Variants in GPATCH2L observed in about 807,000 individuals in gnomAD.
GPATCH2L encodes the protein G-patch domain containing 2 like, also known as G patch domain-containing protein 2-like.
Under a neutral mutation model 57.4 loss-of-function variants are expected in GPATCH2L, and 31 were observed. The observed-to-expected ratio is 0.54, with a 90% CI of 0.41 to 0.73. The LOEUF is 0.73. GPATCH2L is among the 30% of genes least tolerant of loss of function. The probability of loss-of-function intolerance (pLI) is 0.00; values close to 1 mark genes in which losing one functional copy is unlikely to be tolerated. For synonymous variants in GPATCH2L, 199 were observed against 210.7 expected, an observed-to-expected ratio of 0.94 and a Z score of 0.48; for missense variants, 481 against 599.9, an observed-to-expected ratio of 0.80 and a Z score of 2.07.
Position 76,180,759 on chromosome 14 carries a change from T to G in GPATCH2L, c.1108-5T>G. ...TTACTAAAATAGTCTTATTCATTCC[T>G]GCAGTTCAATCCCCTGTCTCCCCTT... On this transcript the variant is annotated splice_region_variant and splice_polypyrimidine_tract_variant and intron_variant, in intron 7 of 9. Coordinates refer to ENST00000261530, the MANE Select transcript of GPATCH2L (RefSeq NM_017926.4). 1 of 1,595,684 alleles carries G rather than the reference T, an allele frequency of 6.3e-7. No homozygotes were observed. Among genetic ancestry groups the G allele is most frequent in the Non-Finnish European group, 8.6e-7 (1 of 1,163,116 alleles).
intron 2 of GPATCH2L, among the ~76,000 whole-genome samples, chr14:76,161,428 C>T (rs573296158): frequency 6.6e-6 from 1 of 152,216 alleles, no homozygotes; most frequent in East Asian, 1.9e-4. Flanking sequence ...TTTATTAATA[C>T]CAACTTTTGA....
intron 3 of GPATCH2L, among the ~76,000 whole-genome samples, chr14:76,168,450 G>C (rs1594929097): frequency 6.6e-6 from 1 of 152,154 alleles, no homozygotes; most frequent in South Asian, 2.1e-4. Context: ...CTCATTTCTT[G>C]CTATGGGGCT....
intron 2 of GPATCH2L, among the ~76,000 whole-genome samples, chr14:76,233,737 G>A (rs2040585613): frequency 1.3e-5 from 2 of 152,176 alleles, no homozygotes; most frequent in Admixed American, 6.5e-5. Flanking sequence ...AGTCCTTAAT[G>A]TCATCATATA....
In GPATCH2L at chr14:76,195,912, C is replaced by T. The variant is rs149908322; in HGVS notation, c.1228C>T (p.Arg410Cys). 1.7e-5 allele frequency: 28 copies of T among 1,613,770 alleles called. No individual in the cohort carries two copies. The highest frequency in any genetic ancestry group is 8.8e-5 in the South Asian group (8 of 91,080). Residue 410 changes from arginine to cysteine, a missense_variant, in exon 9 of 10, where the codon CGT becomes TGT. Transcript: ENST00000261530. ...TGTACACTGGGGACCACCATGTTCA[C>T]GTGACATCAAGAGGAAGCGGAAACC... ...ANVHWGPPCS[R>C]DIKRKRKPVA... is the part of the protein sequence containing the mutation.
In GPATCH2L at chr14:76,204,228, A is replaced by G. The variant is rs1297303190; in HGVS notation, c.*2377A>G. On this transcript the variant is annotated 3_prime_UTR_variant, in exon 10 of 10. Coordinates refer to ENST00000261530, the MANE Select transcript of GPATCH2L (RefSeq NM_017926.4). The stretch of plus-strand genomic sequence containing the variant: ...CTGAGTCAGTCTGAGATGCTTATTT[A>G]TGAAACAGTATACCATGAATATTTA... 2 of 152,206 alleles carry G rather than the reference A, an allele frequency of 1.3e-5. No homozygotes were observed. The highest frequency in any genetic ancestry group is 2.9e-5 in the Non-Finnish European group (2 of 68,036). 9.4% of individuals were successfully genotyped at this position (152,206 alleles called of 1,614,324 possible). A position where few individuals can be genotyped will look rare whatever the true frequency, so the allele number is the denominator to read the frequency against.
rs138944273 is a variant in GPATCH2L at position 76,160,155 on chromosome 14, A to G, written c.662+5130A>G. 4.3e-3 allele frequency among the ~76,000 whole-genome samples: 661 copies of G among 152,284 alleles called. 4 individuals are homozygous for G. The highest frequency in any genetic ancestry group is 4.9e-3 in the Non-Finnish European group (335 of 68,018). Reference sequence around the variant, plus strand: ...CGAGACTCTGTCTCAAAAAAAAAGAAAAAAGAAACTGAATGATGCTCAATG... The same window carrying G: ...CGAGACTCTGTCTCAAAAAAAAAGAGAAAAGAAACTGAATGATGCTCAATG... On this transcript the variant is annotated intron_variant, in intron 2 of 9. Coordinates refer to ENST00000261530, the MANE Select transcript of GPATCH2L (RefSeq NM_017926.4).
intron 1 of GPATCH2L, among the ~76,000 whole-genome samples, chr14:76,225,868 ACAT>A (rs2040534551): frequency 6.6e-6 from 1 of 152,222 alleles, no homozygotes; most frequent in African/African-American, 2.4e-5. Context: ...AAGTGCTTAA[ACAT>A]CATTAGTCAT....
chr14:76,218,259 G>T (rs978037907), downstream of GPATCH2L, among the ~76,000 whole-genome samples: 1 of 152,014 alleles, frequency 6.6e-6, no homozygotes, highest in Non-Finnish European at 1.5e-5. Context: ...AATTAGAAGA[G>T]AAGAGAAAAT....
intron 2 of GPATCH2L, among the ~76,000 whole-genome samples, chr14:76,164,229 C>T (rs968035578): frequency 2.6e-5 from 4 of 152,146 alleles, no homozygotes; most frequent in Admixed American, 2.6e-4. Context: ...CTCTCCCAGC[C>T]CTCTGCTTTG....
At chr14:76,163,338 G>A (rs139695870) in intron 2 of GPATCH2L, among the ~76,000 whole-genome samples, 298 of 152,120 alleles carry the variant, frequency 2.0e-3, no homozygotes, top group Middle Eastern at 6.8e-3. Context: ...TGATATTTTT[G>A]GTATCATTAA....
In GPATCH2L at chr14:76,209,438, G is replaced by T. The variant is rs919447894; in HGVS notation, c.*7587G>T. 2 of 152,222 alleles carry T rather than the reference G, an allele frequency of 1.3e-5. No individual in the cohort carries two copies. Among genetic ancestry groups the T allele is most frequent in the Admixed American group, 1.3e-4 (2 of 15,282 alleles). The allele number at this position is 152,222 out of a possible 1,614,324, so 9.4% of individuals were successfully genotyped here. ...CTTGTTCCTCCTCCAAGCCCAGTGA[G>T]GTAGGAGGAATTGCTAATTAGATTA... On this transcript the variant is annotated 3_prime_UTR_variant, in exon 10 of 10. Transcript: ENST00000261530.
At position 76,154,205 on chromosome 14, in the gene GPATCH2L, A is replaced by AAAGGT. The variant is rs1255238642; in HGVS notation, c.-10-148_-10-144dup. 1.3e-5 allele frequency: 8 copies of AAAGGT among 618,060 alleles called. No homozygotes were observed. The highest frequency in any genetic ancestry group is 2.2e-5 in the South Asian group (1 of 45,262). 38.3% of individuals were successfully genotyped at this position (618,060 alleles called of 1,614,324 possible). A position where few individuals can be genotyped will look rare whatever the true frequency, so the allele number is the denominator to read the frequency against. On this transcript the variant is annotated intron_variant, in intron 1 of 9. Coordinates refer to ENST00000261530, the MANE Select transcript of GPATCH2L (RefSeq NM_017926.4). The surrounding 1 kb of genome is among the most constrained non-coding windows in gnomAD (Gnocchi z 4.4). ...AACAGAATCTAAGTGTAGCCAGATG[A>AAAGGT]AAGGTGACTTATTTTGTTTAGACAG... is the stretch of plus-strand genomic sequence containing the variant.
At position 76,213,268 on chromosome 14, in the gene GPATCH2L, G is replaced by C. The variant is rs533385132; in HGVS notation, c.*11417G>C. 6.6e-6 allele frequency: 1 copy of C among 152,056 alleles called. No individual in the cohort carries two copies. 9.4% of individuals were successfully genotyped at this position (152,056 alleles called of 1,614,324 possible). Reference sequence around the variant, plus strand: ...GTCATAAAATATTCTTTGCTCAACTGTATGCAAACAATTTAAAAACTTGGA... The same window carrying C: ...GTCATAAAATATTCTTTGCTCAACTCTATGCAAACAATTTAAAAACTTGGA... On this transcript the variant is annotated 3_prime_UTR_variant, in exon 10 of 10. Coordinates refer to ENST00000261530, the MANE Select transcript of GPATCH2L (RefSeq NM_017926.4).
intron 8 of GPATCH2L, among the ~76,000 whole-genome samples, chr14:76,189,918 A>G (rs1478303788): frequency 6.6e-6 from 1 of 152,064 alleles, no homozygotes; most frequent in Non-Finnish European, 1.5e-5. Context: ...ATATAAAAAG[A>G]TGAACTTTTC....
chr14:76,153,410 A>G (rs2038147305), intron 1 of GPATCH2L, among the ~76,000 whole-genome samples: 1 of 152,252 alleles, frequency 6.6e-6, no homozygotes, highest in Admixed American at 6.5e-5. Flanking sequence ...TTGTCTCTGA[A>G]GTGACCCCTG....
chr14:76,200,508 G>A (rs770175180), intron 9 of GPATCH2L, among the ~76,000 whole-genome samples: 1 of 152,116 alleles, frequency 6.6e-6, no homozygotes, highest in Non-Finnish European at 1.5e-5. Context: ...AAAAGAGAGA[G>A]ATTTGAGTTG....
chr14:76,232,454 TG>T (rs1176880659), intron 2 of GPATCH2L, among the ~76,000 whole-genome samples: 2 of 152,158 alleles, frequency 1.3e-5, no homozygotes, highest in African/African-American at 4.8e-5. Flanking sequence ...TGCCCGCCAC[TG>T]CCCCCGGCCC....
intron 8 of GPATCH2L, among the ~76,000 whole-genome samples, chr14:76,183,011 G>A (rs190830034): frequency 9.8e-5 from 15 of 152,350 alleles, no homozygotes; most frequent in Admixed American, 2.6e-4. Flanking sequence ...ATGATATCAT[G>A]TCAGAATGCT....
In GPATCH2L at chr14:76,173,656, T is replaced by C. The variant is rs367834139; in HGVS notation, c.984+31T>C. 11 of 1,315,112 alleles carry C rather than the reference T, an allele frequency of 8.4e-6. No homozygotes were observed. The African/African-American group carries it at 1.0e-4, about 12-fold the overall frequency. The allele number at this position is 1,315,112 out of a possible 1,614,324, so 81.5% of individuals were successfully genotyped here. ...ACCTCTCACAGTTAGCTTGGCTCAG[T>C]GGGGAGATAATATTCCCTATGGGAG... On this transcript the variant is annotated intron_variant, in intron 5 of 9. Coordinates refer to ENST00000261530, the MANE Select transcript of GPATCH2L (RefSeq NM_017926.4).
Sources: gnomAD v4.1 joint callset for allele counts (sites outside exome capture counted in the v4.1 genomes callset) on GRCh38, gnomAD v4.1.1 for gene constraint, Gnocchi (gnomAD v3.1) non-coding constraint, MANE v1.5 for transcripts, NCBI Gene and HGNC (gene_info 2026-07-23, HGNC 2026-07-21) for gene names.